VAV3: variants seen among roughly 807,000 people sequenced by gnomAD.
VAV3 encodes vav guanine nucleotide exchange factor 3.
In VAV3, 94 loss-of-function variants were observed where a neutral mutation model predicts 131.2. The observed-to-expected ratio is 0.72, with a 90% CI of 0.61 to 0.85. VAV3 has a LOEUF of 0.85. Among genes scored for constraint, VAV3 ranks in the 40% least tolerant of loss-of-function variants. The pLI is 0.00. For synonymous variants in VAV3, 349 were observed against 342.0 expected (o/e 1.02, Z -0.22); for missense variants, 939 against 1,002.7 (o/e 0.94, Z 0.86).
intron 1 of VAV3, among the ~76,000 whole-genome samples, chr1:107,919,586 G>T (rs1478570009): frequency 6.6e-6 from 1 of 152,142 alleles, no homozygotes; most frequent in African/African-American, 2.4e-5. Flanking sequence ...AACTTTGGAT[G>T]GAGGGACCGG....
At chr1:107,694,643 C>A (rs1380569360) in intron 17 of VAV3, among the ~76,000 whole-genome samples, 1 of 152,138 alleles carries the variant, frequency 6.6e-6, no homozygotes, top group South Asian at 2.1e-4. Context: ...CTAGTCTCTA[C>A]GAAGGTGGAA....
chr1:107,912,143 C>T (rs1672398449), intron 1 of VAV3, among the ~76,000 whole-genome samples: 1 of 152,014 alleles, frequency 6.6e-6, no homozygotes, highest in Admixed American at 6.6e-5. Context: ...GAAAACACAC[C>T]TATGACTATC....
chr1:107,885,496 T>C (rs1335117770), intron 1 of VAV3, among the ~76,000 whole-genome samples: 1 of 151,970 alleles, frequency 6.6e-6, no homozygotes, highest in Admixed American at 6.6e-5. Context: ...AGTAAATTGA[T>C]AAGTAATTGG....
At chr1:107,830,271 T>C (rs951830730) in intron 2 of VAV3, among the ~76,000 whole-genome samples, 6 of 151,744 alleles carry the variant, frequency 4.0e-5, no homozygotes, top group Non-Finnish European at 8.8e-5. Context: ...GATGCAATCA[T>C]AGCCCACTAC....
chr1:107,776,477 G>A (rs1159745966), intron 4 of VAV3, among the ~76,000 whole-genome samples: 1 of 152,174 alleles, frequency 6.6e-6, no homozygotes, highest in African/African-American at 2.4e-5. Flanking sequence ...GCAAAAACTT[G>A]AACGCTGAGG....
At chr1:107,877,639 A>C (rs1670567370) in intron 1 of VAV3, among the ~76,000 whole-genome samples, 1 of 152,198 alleles carries the variant, frequency 6.6e-6, no homozygotes, top group Non-Finnish European at 1.5e-5. Flanking sequence ...TATTTACTGA[A>C]TTTGAAAGTC....
At chr1:107,660,368 G>C (rs1656919452) in intron 19 of VAV3, among the ~76,000 whole-genome samples, 2 of 152,188 alleles carry the variant, frequency 1.3e-5, no homozygotes, top group Non-Finnish European at 2.9e-5. Context: ...GAGTGGGAAG[G>C]CATTTTGAGA....
intron 1 of VAV3, among the ~76,000 whole-genome samples, chr1:107,954,791 C>T (rs1432637768): frequency 6.7e-6 from 1 of 149,738 alleles, no homozygotes; most frequent in East Asian, 2.0e-4. Context: ...CATTGCAGTC[C>T]TCATCGCAGT....
chr1:107,766,023 T>C (rs1489675161), intron 8 of VAV3, among the ~76,000 whole-genome samples: 5 of 152,086 alleles, frequency 3.3e-5, no homozygotes, highest in Admixed American at 6.6e-5. Flanking sequence ...TACTCCAAAA[T>C]AGAGTGTCAT....
At chr1:107,795,591 G>A (rs1446201588) in intron 2 of VAV3, among the ~76,000 whole-genome samples, 7 of 152,132 alleles carry the variant, frequency 4.6e-5, no homozygotes, top group Admixed American at 2.6e-4. Flanking sequence ...TTTGGAATCT[G>A]AATGATCTTT....
At chr1:107,784,208 A>G (rs1481635668) in intron 2 of VAV3, among the ~76,000 whole-genome samples, 7 of 152,130 alleles carry the variant, frequency 4.6e-5, no homozygotes, top group African/African-American at 1.7e-4. Flanking sequence ...TGACTCTGGC[A>G]GAGTTTTTCT....
At chr1:107,829,821 C>T (rs113126874) in intron 2 of VAV3, among the ~76,000 whole-genome samples, 1 of 152,098 alleles carries the variant, frequency 6.6e-6, no homozygotes, top group Non-Finnish European at 1.5e-5. Context: ...CAAAAGAGAT[C>T]GCAGATTTGC....
At chr1:107,862,296 C>T (rs1350202821) in intron 2 of VAV3, among the ~76,000 whole-genome samples, 1 of 151,552 alleles carries the variant, frequency 6.6e-6, no homozygotes, top group Non-Finnish European at 1.5e-5. Context: ...CTTCCTCTGC[C>T]TAATCCTGTG....
chr1:107,700,899 T>G (rs2101829289), intron 17 of VAV3, among the ~76,000 whole-genome samples: 1 of 152,350 alleles, frequency 6.6e-6, no homozygotes, highest in African/African-American at 2.4e-5. Flanking sequence ...ATGGATGAAC[T>G]AATTTACATT....
At chr1:107,768,787 T>C (rs1664877636) in intron 6 of VAV3, among the ~76,000 whole-genome samples, 2 of 152,180 alleles carry the variant, frequency 1.3e-5, no homozygotes, top group African/African-American at 4.8e-5. Flanking sequence ...AAGAACATTA[T>C]TGTCTGAGTT....
intron 15 of VAV3, among the ~76,000 whole-genome samples, chr1:107,712,138 A>C (rs1035597363): frequency 6.6e-6 from 1 of 152,226 alleles, no homozygotes; most frequent in African/African-American, 2.4e-5. Flanking sequence ...TCACACGCAC[A>C]CTTATAAATA....
At chr1:107,669,013 T>C in intron 19 of VAV3, 1 of 1,048,574 alleles carries the variant, frequency 9.5e-7, no homozygotes, top group South Asian at 3.2e-5. Context: ...GCGCTGACTA[T>C]ACAGAGAAAA....
chr1:107,678,915 TATA>T (rs1209058804), intron 19 of VAV3, among the ~76,000 whole-genome samples: 2 of 152,148 alleles, frequency 1.3e-5, no homozygotes, highest in Admixed American at 6.5e-5. Context: ...AAAAATAGTA[TATA>T]ATATTTAAAA....
chr1:107,929,287 C>CAAAAAA (rs372843076), intron 1 of VAV3, among the ~76,000 whole-genome samples: 4 of 92,534 alleles, frequency 4.3e-5, no homozygotes, highest in African/African-American at 8.3e-5. Context: ...CACTCTGTCT[C>CAAAAAA]AAAAAAAAAA....
Sources: gnomAD v4.1 joint callset for allele counts (sites outside exome capture counted in the v4.1 genomes callset) on GRCh38, gnomAD v4.1.1 for gene constraint, MANE v1.5 for transcripts, NCBI Gene and HGNC (gene_info 2026-07-23, HGNC 2026-07-21) for gene names.